MYEF2: variants seen among roughly 807,000 people sequenced by gnomAD.
MYEF2 encodes myelin gene expression factor 2.
Under a neutral mutation model 75.2 loss-of-function variants are expected in MYEF2, and 37 were observed. That is an observed-to-expected ratio of 0.49 (90% CI 0.38 to 0.65). The LOEUF is 0.65. MYEF2 is among the 30% of genes least tolerant of loss of function. The probability of loss-of-function intolerance (pLI) is 0.00; values close to 1 mark genes in which losing one functional copy is unlikely to be tolerated. For synonymous variants in MYEF2, 195 were observed against 241.6 expected (o/e 0.81, Z 1.79); for missense variants, 634 against 771.4 (o/e 0.82, Z 2.11).
At chr15:48,175,572 T>C (rs2040489208) in intron 1 of MYEF2, among the ~76,000 whole-genome samples, 1 of 152,124 alleles carries the variant, frequency 6.6e-6, no homozygotes, top group Non-Finnish European at 1.5e-5. Context: ...CACTGTACAC[T>C]TCAAAATATA....
chr15:48,175,583 C>T (rs528515692), intron 1 of MYEF2, among the ~76,000 whole-genome samples: 2 of 152,006 alleles, frequency 1.3e-5, no homozygotes, highest in African/African-American at 4.8e-5. Context: ...TCAAAATATA[C>T]AATTTTTGTC....
chr15:48,166,316 T>C (rs2040131231), intron 3 of MYEF2, among the ~76,000 whole-genome samples, 188 bp from the exon 4 acceptor site: 1 of 151,938 alleles, frequency 6.6e-6, no homozygotes, highest in Non-Finnish European at 1.5e-5. Context: ...TTTTTAAATA[T>C]ATCTATTAAA....
At chr15:48,173,035 G>T in intron 1 of MYEF2, among the ~76,000 whole-genome samples, 1 of 152,108 alleles carries the variant, frequency 6.6e-6, no homozygotes, top group East Asian at 1.9e-4. Flanking sequence ...GCAAGACAAG[G>T]ATCCTACAAG....
chr15:48,169,251 TAC>T (rs1353775734), intron 1 of MYEF2, among the ~76,000 whole-genome samples: 1 of 152,210 alleles, frequency 6.6e-6, no homozygotes, highest in Non-Finnish European at 1.5e-5. Context: ...AAAACTAACT[TAC>T]ACAGTGATAC....
intron 5 of MYEF2, among the ~76,000 whole-genome samples, chr15:48,164,191 G>A (rs1366149632): frequency 6.6e-6 from 1 of 152,182 alleles, no homozygotes; most frequent in Non-Finnish European, 1.5e-5. Context: ...GAACATCTGT[G>A]ATTCATAAGG....
chr15:48,151,639 G>GT, intron 12 of MYEF2, 68 bp from the exon 13 acceptor site: 2 of 1,424,526 alleles, frequency 1.4e-6, no homozygotes, highest in South Asian at 1.2e-5. Flanking sequence ...ATTCAGGAAT[G>GT]TATCTAAATT....
chr15:48,163,527 G>C (rs191379090), intron 5 of MYEF2, among the ~76,000 whole-genome samples: 7 of 152,302 alleles, frequency 4.6e-5, no homozygotes, highest in Admixed American at 2.0e-4. Context: ...AAGTTATCCA[G>C]AACACCTAGC....
chr15:48,142,449 C>A lies in MYEF2; in HGVS notation c.*459G>T. 1 of 960,320 alleles carries A rather than the reference C, an allele frequency of 1.0e-6. No homozygotes were observed. The highest frequency in any genetic ancestry group is 1.5e-6 in the Non-Finnish European group (1 of 685,348). 59.5% of individuals were successfully genotyped at this position (960,320 alleles called of 1,614,324 possible). On this transcript the variant is annotated 3_prime_UTR_variant, in exon 17 of 17. Transcript: ENST00000324324. ...AAATCAAATTTTAAAAATCTTGAACCTTAGAATCTAAAACTTACAGTAATT... is the reference window on the plus strand; with the variant it reads ...AAATCAAATTTTAAAAATCTTGAACATTAGAATCTAAAACTTACAGTAATT...
chr15:48,148,751 T>G (rs1031991643), intron 16 of MYEF2, among the ~76,000 whole-genome samples: 2 of 152,026 alleles, frequency 1.3e-5, no homozygotes, highest in Non-Finnish European at 1.5e-5. Flanking sequence ...AATGAGGTAA[T>G]AAAATAAGCC....
At chr15:48,159,506 AC>A (rs2039850283) in intron 6 of MYEF2, 106 bp downstream of exon 6, 2 of 923,444 alleles carry the variant, frequency 2.2e-6, no homozygotes, top group Admixed American at 5.0e-5. Flanking sequence ...TATTTCACTT[AC>A]TTTAGTTAAA....
At position 48,158,952 on chromosome 15, in the gene MYEF2, C is replaced by T. The variant is rs764028908; in HGVS notation, c.718-30G>A. On this transcript the variant is annotated intron_variant, in intron 6 of 16. Transcript: ENST00000324324. ...ATATAAAATTGTATAAAGTTACATA[C>T]CTAATAAATCCATCTCCCCATCTGT... 12 of 1,586,030 alleles carry T rather than the reference C, an allele frequency of 7.6e-6. No individual in the cohort carries two copies. The South Asian group carries it at 1.2e-4, about 16-fold the overall frequency.
At chr15:48,175,032 G>A (rs140675945) in intron 1 of MYEF2, among the ~76,000 whole-genome samples, 4 of 152,156 alleles carry the variant, frequency 2.6e-5, no homozygotes, top group African/African-American at 9.6e-5. Context: ...TGGAAACAAC[G>A]ACTTAAGTGT....
intron 1 of MYEF2, among the ~76,000 whole-genome samples, chr15:48,169,384 A>T (rs1018802483): frequency 6.6e-6 from 1 of 152,176 alleles, no homozygotes; most frequent in Non-Finnish European, 1.5e-5. Flanking sequence ...ATATGAATAT[A>T]CTCACATTAA....
chr15:48,177,372 T>C (rs2040570745), intron 1 of MYEF2, among the ~76,000 whole-genome samples: 1 of 151,756 alleles, frequency 6.6e-6, no homozygotes, highest in South Asian at 2.1e-4. Flanking sequence ...TATACCAAAC[T>C]TAAGATAATC....
At chr15:48,172,439 C>A (rs1385746000) in intron 1 of MYEF2, among the ~76,000 whole-genome samples, 1 of 149,044 alleles carries the variant, frequency 6.7e-6, no homozygotes, top group Non-Finnish European at 1.5e-5. Context: ...AACAACCTAA[C>A]TTTACACCTC....
At chr15:48,146,130 G>A (rs1597289534) in intron 16 of MYEF2, among the ~76,000 whole-genome samples, 1 of 152,024 alleles carries the variant, frequency 6.6e-6, no homozygotes, top group East Asian at 1.9e-4. Context: ...GCATCATACT[G>A]AGCCAGAAGG....
At chr15:48,159,002 T>C in intron 6 of MYEF2, 80 bp from the exon 7 acceptor site, 1 of 1,236,110 alleles carries the variant, frequency 8.1e-7, no homozygotes, top group Non-Finnish European at 1.1e-6. Flanking sequence ...TTTTCTAAAC[T>C]CTTAAAACCA....
rs754321211 is a variant in MYEF2, at chr15:48,136,941, T to G, written c.*5967A>C. ...ACTCTCAGCTCTCTATAAGTTTACA[T>G]GGCCTTAGTCAGGTTTCTGAAGGTA... On this transcript the variant is annotated 3_prime_UTR_variant, in exon 17 of 17. Transcript: ENST00000324324. The G allele has an allele frequency of 6.2e-7, 1 of 1,612,920 alleles. No individual in the cohort carries two copies. The highest frequency in any genetic ancestry group is 1.1e-5 in the South Asian group (1 of 91,000).
intron 1 of MYEF2, among the ~76,000 whole-genome samples, chr15:48,170,120 C>CTGT (rs748883983): frequency 3.4e-4 from 52 of 151,586 alleles, no homozygotes; most frequent in Non-Finnish European, 4.7e-4. Context: ...GTTTTTGTTG[C>CTGT]TGTTGTTGTT....
Sources: allele counts gnomAD v4.1 joint callset (sites outside exome capture counted in the v4.1 genomes callset), GRCh38; gene constraint gnomAD v4.1.1; transcripts MANE v1.5; gene names NCBI Gene and HGNC (gene_info 2026-07-23, HGNC 2026-07-21).